Variants in CUL1 observed in about 807,000 individuals in gnomAD.
The protein encoded by CUL1 is cullin-1.
CUL1 carries 24 observed loss-of-function variants against 118.0 expected under a neutral mutation model. That is an observed-to-expected ratio of 0.20 (90% CI 0.15 to 0.29). The LOEUF is 0.29. Among genes scored for constraint, CUL1 ranks in the 10% least tolerant of loss-of-function variants. The pLI is 1.00. For missense variants in CUL1, 361 were observed against 933.8 expected, an observed-to-expected ratio of 0.39 and a Z score of 7.99; for synonymous variants, 332 against 340.4, an observed-to-expected ratio of 0.98 and a Z score of 0.27.
chr7:148,769,371 C>G (rs193082130), intron 9 of CUL1, among the ~76,000 whole-genome samples: 3 of 144,828 alleles, frequency 2.1e-5, no homozygotes, highest in Non-Finnish European at 4.5e-5. Flanking sequence ...TATTTCCAAG[C>G]TAAATGTTCC....
Position 148,794,977 on chromosome 7 carries a change from G to A in CUL1, c.1899+2159G>A, listed in dbSNP as rs376146098. ...CTCCCAAGTAGCTGGGATTACAGGC[G>A]TGCGCCACCATGCCTGGCTAATTTT... On this transcript the variant is annotated intron_variant, in intron 17 of 21. Transcript: ENST00000325222. 1.5e-4 allele frequency among the ~76,000 whole-genome samples: 23 copies of A among 152,132 alleles called. 1 individual carries two copies. Among genetic ancestry groups the A allele is most frequent in the African/African-American group, 4.1e-4 (17 of 41,494 alleles).
intron 1 of CUL1, among the ~76,000 whole-genome samples, chr7:148,726,389 A>T (rs1053791654): frequency 2.1e-5 from 3 of 142,204 alleles, no homozygotes; most frequent in Admixed American, 1.4e-4. Context: ...GTCAAGCTTT[A>T]AAAAAAAAAA....
chr7:148,740,147 G>A (rs1174953832), intron 2 of CUL1, among the ~76,000 whole-genome samples: 1 of 151,774 alleles, frequency 6.6e-6, no homozygotes, highest in East Asian at 1.9e-4. Flanking sequence ...CCACCTCGCA[G>A]GTTCAAGTGA....
intron 1 of CUL1, among the ~76,000 whole-genome samples, chr7:148,720,851 T>A (rs1171439856): frequency 6.6e-6 from 1 of 152,248 alleles, no homozygotes; most frequent in Non-Finnish European, 1.5e-5. Context: ...TTCTTACTCC[T>A]GAAATTATTA....
chr7:148,702,092 A>G (rs1451470581), intron 1 of CUL1, among the ~76,000 whole-genome samples: 1 of 152,244 alleles, frequency 6.6e-6, no homozygotes, highest in Admixed American at 6.5e-5. Context: ...TAAATGAAAA[A>G]TAGATCCTAT....
At chr7:148,748,129 A>G (rs1001043916) in intron 2 of CUL1, among the ~76,000 whole-genome samples, 1 of 152,224 alleles carries the variant, frequency 6.6e-6, no homozygotes, top group Admixed American at 6.5e-5. Flanking sequence ...AGAAGGGGAA[A>G]GGGAGGAAAA....
intron 9 of CUL1, among the ~76,000 whole-genome samples, chr7:148,774,230 G>A (rs1031130033): frequency 3.3e-5 from 5 of 152,146 alleles, no homozygotes; most frequent in African/African-American, 4.8e-5. Context: ...AGCCAGCGCC[G>A]TGGGGTACGA....
chr7:148,731,824 G>A (rs1798773346), intron 2 of CUL1, among the ~76,000 whole-genome samples: 2 of 152,162 alleles, frequency 1.3e-5, no homozygotes, highest in Admixed American at 1.3e-4. Context: ...GAGCATGCTT[G>A]GAGGCTTCAT....
chr7:148,701,864 C>G (rs1443859391), intron 1 of CUL1, among the ~76,000 whole-genome samples: 2 of 152,194 alleles, frequency 1.3e-5, no homozygotes, highest in African/African-American at 4.8e-5. Flanking sequence ...TTTGCTGTTT[C>G]AGCCTTCCGT....
intron 2 of CUL1, 38 bp downstream of exon 2, chr7:148,730,300 TTTGA>T: frequency 6.4e-7 from 1 of 1,567,440 alleles, no homozygotes; most frequent in South Asian, 1.2e-5. Context: ...TGCTTAGAGT[TTTGA>T]TTATTTACTA....
Position 148,760,399 on chromosome 7 carries a change from C to T in CUL1, c.692C>T (p.Ser231Phe). Reference protein sequence around the residue: ...KGPTLTVYKESFESQFLADTE... With the variant: ...KGPTLTVYKEFFESQFLADTE... ...CCTACGTTAACAGTGTATAAAGAAT[C>T]CTTTGAATCTCAATTTTTGGCTGAC... The change falls in exon 7 of 22, where the codon TCC becomes TTC. Residue 231 changes from serine to phenylalanine, a missense_variant. Physicochemically the swap from Ser to Phe is radical, Grantham distance 155. This residue lies in a region of CUL1 where 169 missense variants were observed against 429.7 expected (regional missense o/e 0.39). Coordinates refer to ENST00000325222, the MANE Select transcript of CUL1 (RefSeq NM_003592.3). 1.9e-6 allele frequency: 3 copies of T among 1,613,302 alleles called. No individual in the cohort carries two copies. Among genetic ancestry groups the T allele is most frequent in the Non-Finnish European group, 2.5e-6 (3 of 1,179,592 alleles).
At chr7:148,767,486 C>G in intron 8 of CUL1, 133 bp from the exon 9 acceptor site, 1 of 749,042 alleles carries the variant, frequency 1.3e-6, no homozygotes, top group South Asian at 1.7e-5. Context: ...TAATTAAATG[C>G]TATTGATTAT....
chr7:148,767,637 A>G lies in CUL1; in HGVS notation c.971A>G (p.Asn324Ser), dbSNP rs1351484109. ...CTTTCAGATTTGGGACGCATGTATA[A>G]TCTTGTATCTAGAATCCAGGATGGC... Reference protein sequence around the residue: ...DKNEDLGRMYNLVSRIQDGLG... With the variant: ...DKNEDLGRMYSLVSRIQDGLG... The change falls in exon 9 of 22, where the codon AAT becomes AGT. Residue 324 changes from asparagine to serine, a missense_variant. By Grantham distance (46) the Asn-to-Ser change is conservative. This residue lies in a region of CUL1 where 169 missense variants were observed against 429.7 expected (regional missense o/e 0.39). Transcript: ENST00000325222. The G allele has an allele frequency of 3.1e-6, 5 of 1,613,800 alleles. No individual in the cohort carries two copies. Among genetic ancestry groups the G allele is most frequent in the Non-Finnish European group, 4.2e-6 (5 of 1,179,934 alleles).
intron 2 of CUL1, among the ~76,000 whole-genome samples, chr7:148,731,992 T>G (rs1798778816): frequency 1.3e-5 from 2 of 152,204 alleles, no homozygotes; most frequent in Non-Finnish European, 2.9e-5. Context: ...TGCGAGTTTT[T>G]GAGTGGCTCT....
intron 19 of CUL1, 31 bp from the exon 20 acceptor site, chr7:148,798,541 T>C: frequency 6.6e-7 from 1 of 1,517,462 alleles, no homozygotes; most frequent in Non-Finnish European, 9.2e-7. Flanking sequence ...TTTAATATAA[T>C]AGTGATCGGT....
At chr7:148,773,534 A>G (rs1800291409) in intron 9 of CUL1, among the ~76,000 whole-genome samples, 1 of 152,210 alleles carries the variant, frequency 6.6e-6, no homozygotes, top group Non-Finnish European at 1.5e-5. Flanking sequence ...ACGCCTCATT[A>G]TAGTTTTATG....
intron 11 of CUL1, among the ~76,000 whole-genome samples, chr7:148,786,182 ATT>A (rs2129462799): frequency 6.6e-6 from 1 of 152,278 alleles, no homozygotes; most frequent in Non-Finnish European, 1.5e-5. Context: ...GTGCCTTTTT[ATT>A]TCTCCAAAGT....
At chr7:148,724,223 A>G (rs1247676842) in intron 1 of CUL1, among the ~76,000 whole-genome samples, 1 of 152,220 alleles carries the variant, frequency 6.6e-6, no homozygotes, top group Non-Finnish European at 1.5e-5. Context: ...AATCTTGAGA[A>G]ACAGCCTGTT....
At chr7:148,769,397 TCACACACACACACACACACACACA>T (rs55858322) in intron 9 of CUL1, among the ~76,000 whole-genome samples, 11 of 129,106 alleles carry the variant, frequency 8.5e-5, no homozygotes, top group South Asian at 5.7e-4. Context: ...AGGGCCTGAT[TCACACACACACACACACACACACA>T]CACACACACA....
Sources: allele counts gnomAD v4.1 joint callset (sites outside exome capture counted in the v4.1 genomes callset), GRCh38; gene constraint gnomAD v4.1.1; regional missense constraint gnomAD v4.1.1; transcripts MANE v1.5; gene names NCBI Gene and HGNC (gene_info 2026-07-23, HGNC 2026-07-21).